The following GPHN variants were observed in gnomAD, a reference collection of about 807,000 sequenced individuals.
GPHN encodes the protein gephyrin.
In GPHN, 17 loss-of-function variants were observed where a neutral mutation model predicts 95.5. The observed-to-expected ratio is 0.18, with a 90% confidence interval of 0.12 to 0.27. The LOEUF is 0.27. GPHN is among the 10% of genes least tolerant of loss of function. The pLI is 1.00. For synonymous variants in GPHN, 320 were observed against 322.5 expected (o/e 0.99, Z 0.08); for missense variants, 660 against 978.1 (o/e 0.67, Z 4.34).
the GPHN span, among the ~76,000 whole-genome samples, chr14:67,409,172 G>A: frequency 1.2e-4 from 19 of 152,264 alleles, no homozygotes; most frequent in African/African-American, 4.6e-4. Flanking sequence ...GAGCCTGGGA[G>A]GTCAAGGCTG....
the GPHN span, among the ~76,000 whole-genome samples, chr14:67,700,266 A>G: frequency 6.6e-6 from 1 of 152,248 alleles, no homozygotes; most frequent in Non-Finnish European, 1.5e-5. Context: ...TCTCAGTAAC[A>G]GCATCAAAAG....
chr14:67,501,234 G>A, the GPHN span, among the ~76,000 whole-genome samples: 59 of 152,238 alleles, frequency 3.9e-4, no homozygotes, highest in African/African-American at 1.4e-3. Context: ...CATGGCAGTG[G>A]AGTTAGGAGA....
chr14:66,970,962 C>A (rs1337486589), intron 9 of GPHN, among the ~76,000 whole-genome samples: 2 of 152,166 alleles, frequency 1.3e-5, no homozygotes, highest in African/African-American at 4.8e-5. Context: ...TCTCCAGACC[C>A]CTTCATGCTT....
At chr14:66,987,481 G>T (rs76126173) in intron 9 of GPHN, among the ~76,000 whole-genome samples, 2 of 151,936 alleles carry the variant, frequency 1.3e-5, no homozygotes, top group African/African-American at 2.4e-5. Context: ...TACAATATGA[G>T]TATGTATATA....
chr14:66,578,525 TCA>T, intron 1 of GPHN, among the ~76,000 whole-genome samples: 2 of 151,646 alleles, frequency 1.3e-5, no homozygotes, highest in Admixed American at 1.3e-4. Context: ...AGTAAAACTC[TCA>T]GAAGCGTTAA....
the GPHN span, among the ~76,000 whole-genome samples, chr14:67,614,059 C>CT: frequency 6.6e-6 from 1 of 152,162 alleles, no homozygotes; most frequent in African/African-American, 2.4e-5. Context: ...CTCCTGTTTC[C>CT]TGAGTAGCTG....
intron 2 of GPHN, among the ~76,000 whole-genome samples, chr14:66,760,020 C>T (rs2058702288): frequency 6.6e-6 from 1 of 152,136 alleles, no homozygotes; most frequent in African/African-American, 2.4e-5. Flanking sequence ...TAGCACCACC[C>T]AATCTAAAGT....
At chr14:67,365,791 C>G in the GPHN span, among the ~76,000 whole-genome samples, 11 of 152,166 alleles carry the variant, frequency 7.2e-5, no homozygotes, top group Non-Finnish European at 1.2e-4. Context: ...TCTGAATCTC[C>G]TCAGCCGTCT....
chr14:66,926,841 A>G (rs931827597), intron 8 of GPHN, among the ~76,000 whole-genome samples: 6 of 152,150 alleles, frequency 3.9e-5, no homozygotes, highest in Non-Finnish European at 1.5e-5. Context: ...GGAAGTATGG[A>G]CATTTTAACG....
At chr14:66,930,664 T>A (rs139945477) in intron 8 of GPHN, among the ~76,000 whole-genome samples, 2 of 151,874 alleles carry the variant, frequency 1.3e-5, no homozygotes, top group African/African-American at 4.8e-5. Context: ...TAGCTGGGAC[T>A]ACAGGCACGC....
chr14:67,195,879 A>G, the GPHN span, among the ~76,000 whole-genome samples: 4 of 151,932 alleles, frequency 2.6e-5, no homozygotes, highest in South Asian at 8.3e-4. Flanking sequence ...AAGTGGGCCT[A>G]TATTGAGAGA....
chr14:66,792,475 T>C (rs952906356), intron 3 of GPHN, among the ~76,000 whole-genome samples: 1 of 149,116 alleles, frequency 6.7e-6, no homozygotes, highest in Non-Finnish European at 1.5e-5. Context: ...ATCACACCAC[T>C]GCACAGAAAA....
the GPHN span, chr14:67,385,126 T>G: frequency 1.3e-5 from 2 of 152,140 alleles, no homozygotes; most frequent in African/African-American, 2.4e-5. Flanking sequence ...AGCCAGAGAA[T>G]AGATCAGTAT....
chr14:67,691,312 C>T, the GPHN span: 2 of 1,013,132 alleles, frequency 2.0e-6, no homozygotes, highest in South Asian at 1.3e-5. Flanking sequence ...AAAGCTGCCT[C>T]ACGCTCAGGC....
At chr14:67,175,295 T>C (rs1006879915) in intron 21 of GPHN, among the ~76,000 whole-genome samples, 1 of 152,244 alleles carries the variant, frequency 6.6e-6, no homozygotes, top group African/African-American at 2.4e-5. Flanking sequence ...TTTCTACTTA[T>C]GGCTAGCCAG....
intron 4 of GPHN, among the ~76,000 whole-genome samples, chr14:66,845,845 G>C (rs925076678): frequency 9.9e-5 from 15 of 151,730 alleles, no homozygotes; most frequent in Admixed American, 9.2e-4. Context: ...GTGTGTGTGT[G>C]TGTGTGTGTG....
intron 2 of GPHN, among the ~76,000 whole-genome samples, chr14:66,686,418 T>C (rs551920458): frequency 1.3e-5 from 2 of 152,350 alleles, no homozygotes; most frequent in African/African-American, 4.8e-5. Flanking sequence ...TGTTCTCTTT[T>C]ATTTTGTTGA....
chr14:66,646,424 A>G (rs2064746529), intron 1 of GPHN, among the ~76,000 whole-genome samples: 1 of 152,162 alleles, frequency 6.6e-6, no homozygotes, highest in Non-Finnish European at 1.5e-5. Flanking sequence ...GGTTCCTCAA[A>G]AAGTTAAAAA....
At chr14:66,865,335 A>T (rs2153523621) in intron 4 of GPHN, among the ~76,000 whole-genome samples, 1 of 152,260 alleles carries the variant, frequency 6.6e-6, no homozygotes, top group Non-Finnish European at 1.5e-5. Context: ...GCATGCCTTT[A>T]TCAGAGTGTC....
Sources: allele counts gnomAD v4.1 joint callset (sites outside exome capture counted in the v4.1 genomes callset), GRCh38; gene constraint gnomAD v4.1.1; transcripts MANE v1.5; gene names NCBI Gene and HGNC (gene_info 2026-07-23, HGNC 2026-07-21).